Variants in TMTC2 observed in about 807,000 individuals in gnomAD.
TMTC2 encodes the protein protein O-mannosyl-transferase TMTC2.
TMTC2 carries 43 observed loss-of-function variants against 82.4 expected under a neutral mutation model. That is an observed-to-expected ratio of 0.52 (90% confidence interval 0.41 to 0.67). The LOEUF (loss-of-function observed/expected upper bound fraction) is 0.67, where lower values mean the gene tolerates loss of function less well. TMTC2 is among the 30% of genes least tolerant of loss of function. TMTC2 has a pLI of 0.00. For synonymous variants in TMTC2, 408 were observed against 381.9 expected (o/e 1.07, Z -0.80); for missense variants, 919 against 1,012.4 (o/e 0.91, Z 1.25).
chr12:82,729,765 C>T (rs543382092), intron 1 of TMTC2, among the ~76,000 whole-genome samples: 19 of 152,306 alleles, frequency 1.2e-4, no homozygotes, highest in South Asian at 8.3e-4. Flanking sequence ...GGCCGTTTTC[C>T]GTGCTGTGGT....
chr12:83,133,387 TTG>T lies in TMTC2; in HGVS notation c.*1002_*1003del, dbSNP rs1332616507. On this transcript the variant is annotated 3_prime_UTR_variant, in exon 12 of 12. Transcript: ENST00000321196. Reference sequence around the variant, plus strand: ...TGTGTGATGATGCTTGCCAGTGATTTTGTGTTTTGGAAAGGGTAGGTATCGAA... The same window carrying T: ...TGTGTGATGATGCTTGCCAGTGATTTTGTTTTGGAAAGGGTAGGTATCGAA... The T allele has an allele frequency of 2.6e-5, 4 of 152,174 alleles. No individual in the cohort carries two copies. Among genetic ancestry groups the T allele is most frequent in the Non-Finnish European group, 5.9e-5 (4 of 68,036 alleles). 9.4% of individuals were successfully genotyped at this position (152,174 alleles called of 1,614,324 possible). A position where few individuals can be genotyped will look rare whatever the true frequency, so the allele number is the denominator to read the frequency against.
At chr12:82,844,355 C>T (rs1419475737) in intron 1 of TMTC2, among the ~76,000 whole-genome samples, 1 of 152,192 alleles carries the variant, frequency 6.6e-6, no homozygotes, top group Non-Finnish European at 1.5e-5. Flanking sequence ...TCTTAGCTTG[C>T]CATGCCTGCA....
At chr12:82,768,811 A>T (rs1042325160) in intron 1 of TMTC2, among the ~76,000 whole-genome samples, 1 of 152,042 alleles carries the variant, frequency 6.6e-6, no homozygotes, top group Non-Finnish European at 1.5e-5. Context: ...ACCAAGTGAG[A>T]GGGAGATACA....
At chr12:82,779,211 C>T (rs571578984) in intron 1 of TMTC2, among the ~76,000 whole-genome samples, 10 of 151,830 alleles carry the variant, frequency 6.6e-5, no homozygotes, top group Non-Finnish European at 1.5e-4. Context: ...AATGGTTGAG[C>T]GTGTGCTAGG....
intron 11 of TMTC2, among the ~76,000 whole-genome samples, chr12:83,085,953 T>C (rs1883639393): frequency 6.6e-6 from 1 of 152,228 alleles, no homozygotes; most frequent in Admixed American, 6.5e-5. Flanking sequence ...TAAAAAGTAG[T>C]CTTGCCTTTG....
intron 1 of TMTC2, among the ~76,000 whole-genome samples, chr12:82,771,620 A>G (rs989162395): frequency 2.6e-5 from 4 of 152,222 alleles, no homozygotes; most frequent in Non-Finnish European, 5.9e-5. Context: ...ACTAGATGCA[A>G]TGCTTTTAAA....
intron 4 of TMTC2, among the ~76,000 whole-genome samples, chr12:82,954,692 C>T (rs1309957846): frequency 1.3e-5 from 2 of 152,192 alleles, no homozygotes; most frequent in South Asian, 2.1e-4. Context: ...TTCATATCCA[C>T]ACTTGAACCT....
At chr12:83,060,561 C>G (rs1050935022) in intron 10 of TMTC2, among the ~76,000 whole-genome samples, 12 of 151,734 alleles carry the variant, frequency 7.9e-5, no homozygotes, top group African/African-American at 2.7e-4. Flanking sequence ...GGACCCCCAG[C>G]CATTTACCAT....
intron 1 of TMTC2, among the ~76,000 whole-genome samples, chr12:82,814,643 A>G (rs1390793477): frequency 6.6e-6 from 1 of 152,196 alleles, no homozygotes; most frequent in Non-Finnish European, 1.5e-5. Flanking sequence ...ATTAGAAGGA[A>G]CAAAAAGGAC....
chr12:82,990,608 G>T (rs1440016895), intron 8 of TMTC2, among the ~76,000 whole-genome samples: 1 of 151,796 alleles, frequency 6.6e-6, no homozygotes, highest in Non-Finnish European at 1.5e-5. Context: ...TATCTTCATA[G>T]TAGGACACTT....
chr12:82,967,534 T>C (rs1878267694), intron 7 of TMTC2, among the ~76,000 whole-genome samples: 1 of 152,102 alleles, frequency 6.6e-6, no homozygotes, highest in African/African-American at 2.4e-5. Flanking sequence ...TTTTTCTGAT[T>C]ATAAGAGGTC....
chr12:83,057,475 C>T (rs1882588054), intron 10 of TMTC2, among the ~76,000 whole-genome samples: 1 of 151,940 alleles, frequency 6.6e-6, no homozygotes, highest in Non-Finnish European at 1.5e-5. Flanking sequence ...AGGATCTTTT[C>T]TGCTCCATTG....
chr12:82,967,674 G>T (rs1878272418), intron 7 of TMTC2, among the ~76,000 whole-genome samples: 1 of 151,896 alleles, frequency 6.6e-6, no homozygotes, highest in Admixed American at 6.6e-5. Flanking sequence ...ATGACACTTG[G>T]AAAAAAATCC....
chr12:83,101,711 CTT>C lies in TMTC2; in HGVS notation c.2332-30497_2332-30496del, dbSNP rs530373789. Among the ~76,000 whole-genome samples, 25 of 152,284 alleles carry C rather than the reference CTT, an allele frequency of 1.6e-4. 1 individual carries two copies. In the East Asian group the frequency reaches 4.8e-3, roughly 29 times the overall value. ...CGCCTTTGTTACCTTGAAGAACTAACTTTATTCTTCAGGGTCCAGAGATCTCT... is the reference window on the plus strand; with the variant it reads ...CGCCTTTGTTACCTTGAAGAACTAACTATTCTTCAGGGTCCAGAGATCTCT... On this transcript the variant is annotated intron_variant, in intron 11 of 11. Transcript: ENST00000321196.
intron 1 of TMTC2, among the ~76,000 whole-genome samples, chr12:82,712,251 G>A (rs907062251): frequency 2.0e-5 from 3 of 152,074 alleles, no homozygotes; most frequent in Non-Finnish European, 4.4e-5. Context: ...CCAATGTGGT[G>A]AAACCCTGTC....
At chr12:82,951,800 G>A (rs777071463) in intron 4 of TMTC2, among the ~76,000 whole-genome samples, 7 of 151,970 alleles carry the variant, frequency 4.6e-5, no homozygotes, top group Admixed American at 6.6e-5. Context: ...AAAGAAAGTC[G>A]GTCATTTACA....
chr12:83,041,761 A>G lies in TMTC2; in HGVS notation c.2153-9143A>G, dbSNP rs181134977. 3.8e-3 allele frequency among the ~76,000 whole-genome samples: 573 copies of G among 151,314 alleles called. 6 individuals carry two copies. Among genetic ancestry groups the G allele is most frequent in the South Asian group, 0.023 (112 of 4,782 alleles). Reference sequence around the variant, plus strand: ...ACAGTCTAAACAGTTCTTTAAGGGAAAATTAATGGATTGTTTCCATTATTC... The same window carrying G: ...ACAGTCTAAACAGTTCTTTAAGGGAGAATTAATGGATTGTTTCCATTATTC... On this transcript the variant is annotated intron_variant, in intron 9 of 11. Transcript: ENST00000321196.
chr12:83,012,215 G>A (rs964474811), intron 8 of TMTC2, among the ~76,000 whole-genome samples: 2 of 152,068 alleles, frequency 1.3e-5, no homozygotes, highest in Non-Finnish European at 2.9e-5. Context: ...TTAAATAGCA[G>A]TAAGTATTTG....
chr12:82,898,889 C>T (rs775440182), intron 3 of TMTC2, among the ~76,000 whole-genome samples: 6 of 152,146 alleles, frequency 3.9e-5, no homozygotes, highest in Admixed American at 3.9e-4. Context: ...TACTCAGATG[C>T]TAGGGTATAA....
Sources: gnomAD v4.1 joint callset for allele counts (sites outside exome capture counted in the v4.1 genomes callset) on GRCh38, gnomAD v4.1.1 for gene constraint, MANE v1.5 for transcripts, NCBI Gene and HGNC (gene_info 2026-07-23, HGNC 2026-07-21) for gene names.